Variants in HTR4 observed in about 807,000 individuals in gnomAD.
HTR4 encodes the protein 5-hydroxytryptamine (serotonin) receptor 4, G protein-coupled.
A neutral mutation model predicts 36.8 loss-of-function variants in HTR4; 16 were observed. That is an observed-to-expected ratio of 0.43 (90% CI 0.29 to 0.66). The LOEUF is 0.66. Ranked by LOEUF, HTR4 falls within the 30% of genes least tolerant of loss-of-function variation. HTR4 has a pLI of 0.13. For missense variants in HTR4, 438 were observed against 490.9 expected (o/e 0.89, Z 1.02); for synonymous variants, 189 against 185.1 (o/e 1.02, Z -0.17).
intron 2 of HTR4, among the ~76,000 whole-genome samples, chr5:148,627,635 G>GT (rs1472395003): frequency 2.6e-5 from 4 of 152,220 alleles, no homozygotes; most frequent in Non-Finnish European, 5.9e-5. Context: ...TAAGGAGTAA[G>GT]TGAGTGGGCA....
chr5:148,483,572 C>T (rs1437053803), intron 6 of HTR4, among the ~76,000 whole-genome samples: 1 of 152,208 alleles, frequency 6.6e-6, no homozygotes, highest in Non-Finnish European at 1.5e-5. Context: ...ACATTGTGCC[C>T]TCTACCGATT....
At chr5:148,585,875 A>G (rs1213394769) in intron 2 of HTR4, among the ~76,000 whole-genome samples, 1 of 152,150 alleles carries the variant, frequency 6.6e-6, no homozygotes, top group Non-Finnish European at 1.5e-5. Context: ...TCCACGAAGT[A>G]TAGTCTTGGT....
chr5:148,583,771 A>G (rs1761242618), intron 2 of HTR4, among the ~76,000 whole-genome samples: 1 of 152,072 alleles, frequency 6.6e-6, no homozygotes, highest in Non-Finnish European at 1.5e-5. Context: ...TTTGCAAGGC[A>G]TTTCCGGGGA....
rs559656368 is a variant in HTR4 at position 148,481,789 on chromosome 5, T to C, written c.*1414A>G. ...TTGGCATTTACCTTCCCGGGACTTC[T>C]GCTATGGGGCATTCGCAAGAGCCAC... On this transcript the variant is annotated 3_prime_UTR_variant, in exon 7 of 7. Transcript: ENST00000377888. The C allele has an allele frequency of 7.3e-7, 1 of 1,378,276 alleles. No individual in the cohort carries two copies. Among genetic ancestry groups the C allele is most frequent in the Admixed American group, 3.2e-5 (1 of 31,132 alleles). 85.4% of individuals were successfully genotyped at this position (1,378,276 alleles called of 1,614,324 possible).
intron 5 of HTR4, among the ~76,000 whole-genome samples, chr5:148,471,037 A>G (rs191801158): frequency 3.8e-4 from 58 of 152,244 alleles, no homozygotes; most frequent in Admixed American, 2.9e-3. Context: ...AAAGATCAAA[A>G]GCTTCAGGAA....
At chr5:148,573,744 C>A (rs1307378113) in intron 2 of HTR4, among the ~76,000 whole-genome samples, 1 of 151,896 alleles carries the variant, frequency 6.6e-6, no homozygotes, top group African/African-American at 2.4e-5. Flanking sequence ...TCATCCCTGC[C>A]CTAATCACCA....
chr5:148,550,979 G>A (rs891945603), intron 2 of HTR4, among the ~76,000 whole-genome samples: 2 of 151,790 alleles, frequency 1.3e-5, no homozygotes, highest in African/African-American at 2.4e-5. Context: ...AGCTCAGGGG[G>A]ACAGATTTGA....
At chr5:148,597,645 C>T (rs2127265115) in intron 2 of HTR4, among the ~76,000 whole-genome samples, 1 of 152,288 alleles carries the variant, frequency 6.6e-6, no homozygotes, top group African/African-American at 2.4e-5. Context: ...AGAATGCTCC[C>T]CAACCACTGT....
At chr5:148,561,833 T>A (rs139579467) in intron 2 of HTR4, among the ~76,000 whole-genome samples, 75 of 152,274 alleles carry the variant, frequency 4.9e-4, no homozygotes, top group African/African-American at 1.8e-3. Flanking sequence ...ACCCTAAGCA[T>A]AAGCACTCAA....
chr5:148,600,474 T>A (rs1971719), intron 2 of HTR4, among the ~76,000 whole-genome samples: 1 of 150,010 alleles, frequency 6.7e-6, no homozygotes, highest in Non-Finnish European at 1.5e-5. Flanking sequence ...CCCTAAATAC[T>A]CCAGAAAAAA....
At chr5:148,505,343 C>A (rs1249848655) in intron 6 of HTR4, among the ~76,000 whole-genome samples, 2 of 152,158 alleles carry the variant, frequency 1.3e-5, no homozygotes, top group East Asian at 3.9e-4. Context: ...TAAAAACTCT[C>A]AATAAGTTAG....
intron 2 of HTR4, among the ~76,000 whole-genome samples, chr5:148,557,959 A>C (rs1326058489): frequency 6.6e-6 from 1 of 151,812 alleles, no homozygotes; most frequent in African/African-American, 2.4e-5. Context: ...GGGCTCCACC[A>C]TTGCACCAAT....
rs149491257 is a variant in HTR4 at position 148,533,074 on chromosome 5, C to T, written c.354-9728G>A. ...CTTTTCTAAAGAAGCTGAATTAAAACGAAGTCAAGAGAAAGAGTTGTTGAT... is the reference window on the plus strand; with the variant it reads ...CTTTTCTAAAGAAGCTGAATTAAAATGAAGTCAAGAGAAAGAGTTGTTGAT... On this transcript the variant is annotated intron_variant, in intron 4 of 6. Transcript: ENST00000377888. Among the ~76,000 whole-genome samples the T allele has an allele frequency of 5.3e-3, 808 of 152,244 alleles. 7 individuals carry two copies. The highest frequency in any genetic ancestry group is 0.018 in the African/African-American group (748 of 41,508).
At chr5:148,574,835 C>A (rs1486505837) in intron 2 of HTR4, among the ~76,000 whole-genome samples, 1 of 152,074 alleles carries the variant, frequency 6.6e-6, no homozygotes, top group Non-Finnish European at 1.5e-5. Flanking sequence ...CCACAGAATT[C>A]ATTTTATTTT....
intron 2 of HTR4, among the ~76,000 whole-genome samples, chr5:148,621,684 A>G (rs1752924038): frequency 6.6e-6 from 1 of 152,154 alleles, no homozygotes; most frequent in Admixed American, 6.5e-5. Context: ...GCACTCTTCA[A>G]ATATTTGAAG....
chr5:148,613,086 A>G (rs1752508879), intron 2 of HTR4, among the ~76,000 whole-genome samples: 1 of 144,940 alleles, frequency 6.9e-6, no homozygotes, highest in African/African-American at 2.6e-5. Flanking sequence ...TTCACAGCCG[A>G]ATTCTACCAG....
intron 2 of HTR4, chr5:148,629,252 C>T (rs1199769967): frequency 1.3e-5 from 2 of 152,014 alleles, no homozygotes; most frequent in Non-Finnish European, 2.9e-5. Context: ...ACTGTTGATA[C>T]TAAAATTCAT....
At chr5:148,632,561 T>G (rs957113880) in intron 2 of HTR4, among the ~76,000 whole-genome samples, 1 of 152,066 alleles carries the variant, frequency 6.6e-6, no homozygotes, top group Admixed American at 6.6e-5. Context: ...TAAAATAAAC[T>G]TTTTCTCTGC....
At chr5:148,460,021 A>T (rs887888713) in intron 5 of HTR4, among the ~76,000 whole-genome samples, 6 of 152,146 alleles carry the variant, frequency 3.9e-5, no homozygotes, top group Non-Finnish European at 8.8e-5. Flanking sequence ...CCTTTGATGG[A>T]CTTATTAGTA....
Sources: allele counts gnomAD v4.1 joint callset (sites outside exome capture counted in the v4.1 genomes callset), GRCh38; gene constraint gnomAD v4.1.1; transcripts MANE v1.5; gene names NCBI Gene and HGNC (gene_info 2026-07-23, HGNC 2026-07-21).